SPATA13: variants seen among roughly 807,000 people sequenced by gnomAD.
SPATA13 encodes the protein spermatogenesis associated 13, also known as spermatogenesis-associated protein 13.
Under a neutral mutation model 104.0 loss-of-function variants are expected in SPATA13, and 50 were observed. The observed-to-expected ratio is 0.48, with a 90% CI of 0.38 to 0.61. The LOEUF is 0.61. Ranked by LOEUF, SPATA13 falls within the 20% of genes least tolerant of loss-of-function variation. The pLI is 0.00. For missense variants in SPATA13, 1,524 were observed against 1,690.6 expected (o/e 0.90, Z 1.73); for synonymous variants, 606 against 667.5 (o/e 0.91, Z 1.42).
chr13:24,025,140 T>C (rs1358068296), intron 3 of SPATA13, among the ~76,000 whole-genome samples: 2 of 151,536 alleles, frequency 1.3e-5, no homozygotes, highest in African/African-American at 4.8e-5. Context: ...TTCTCTTTCC[T>C]TCTTTATTAT....
intron 1 of SPATA13, among the ~76,000 whole-genome samples, chr13:24,204,909 A>C (rs2093643): frequency 0.38 from 57,137 of 152,000 alleles, 11,432 homozygotes; most frequent in East Asian, 0.63. Context: ...TGCTGTGAAC[A>C]TCAGTGTATA....
At position 24,104,306 on chromosome 13, in the gene SPATA13, C is replaced by T. The variant is rs142915252; in HGVS notation, c.-112+86605C>T. Among the ~76,000 whole-genome samples the T allele has an allele frequency of 2.3e-4, 35 of 151,094 alleles. No homozygotes were observed. In the East Asian group the frequency reaches 5.7e-3, roughly 24 times the overall value. ...TGGTGTTTTGACAAAAAGGATTTTA[C>T]TTCATCTTAATTTAAAGGGATCCTG... On this transcript the variant is annotated intron_variant, in intron 3 of 14. Transcript: ENST00000424834.
At chr13:24,173,114 G>T (rs552065550) in intron 1 of SPATA13, among the ~76,000 whole-genome samples, 1 of 152,126 alleles carries the variant, frequency 6.6e-6, no homozygotes, top group South Asian at 2.1e-4. Context: ...GTCTTGCTCC[G>T]TCATCCAGGC....
chr13:24,021,865 C>T (rs1274084069), intron 3 of SPATA13, among the ~76,000 whole-genome samples: 1 of 151,864 alleles, frequency 6.6e-6, no homozygotes, highest in Non-Finnish European at 1.5e-5. Context: ...GCGCCCGCCA[C>T]CACGCCTGAC....
intron 3 of SPATA13, among the ~76,000 whole-genome samples, chr13:24,082,082 A>G (rs977693841): frequency 6.6e-6 from 1 of 152,240 alleles, no homozygotes; most frequent in Non-Finnish European, 1.5e-5. Flanking sequence ...ACCTGGAATC[A>G]TAGCAAGGAT....
At chr13:24,001,944 G>A (rs1875994224) in intron 2 of SPATA13, among the ~76,000 whole-genome samples, 1 of 151,936 alleles carries the variant, frequency 6.6e-6, no homozygotes, top group African/African-American at 2.4e-5. Flanking sequence ...GGGAGGTGAG[G>A]AGGAGACTGC....
chr13:24,246,590 T>A (rs903904809), intron 2 of SPATA13, among the ~76,000 whole-genome samples: 10 of 152,198 alleles, frequency 6.6e-5, no homozygotes, highest in Non-Finnish European at 5.9e-5. Flanking sequence ...CCGGGTGTGG[T>A]GGCTCACGCC....
Position 24,001,767 on chromosome 13 carries a change from A to G in SPATA13, c.-146-15900A>G, listed in dbSNP as rs75806787. Among the ~76,000 whole-genome samples the G allele has an allele frequency of 6.3e-3, 957 of 152,014 alleles. 8 individuals are homozygous for G. Among genetic ancestry groups the G allele is most frequent in the African/African-American group, 0.022 (893 of 41,464 alleles). On this transcript the variant is annotated intron_variant, in intron 2 of 14. Coordinates refer to the SPATA13 transcript ENST00000424834. Reference sequence around the variant, plus strand: ...GAACCTGATGGGTTGAAGAAGTAAAAAGAGTCAGCACTGGGTGGGGGCCGG... The same window carrying G: ...GAACCTGATGGGTTGAAGAAGTAAAGAGAGTCAGCACTGGGTGGGGGCCGG...
chr13:24,017,612 C>G (rs1876778070), intron 2 of SPATA13: 1 of 950,996 alleles, frequency 1.1e-6, no homozygotes, highest in Admixed American at 6.2e-5. Context: ...TTAACCTCAG[C>G]TAACCTGTTT....
intron 2 of SPATA13, among the ~76,000 whole-genome samples, chr13:24,237,882 T>TG (rs1566166830): frequency 1.4e-5 from 2 of 147,238 alleles, no homozygotes; most frequent in African/African-American, 5.0e-5. Flanking sequence ...ATATATATCA[T>TG]TTATAATATA....
At chr13:24,235,212 G>C (rs894743373) in intron 2 of SPATA13, among the ~76,000 whole-genome samples, 4 of 152,206 alleles carry the variant, frequency 2.6e-5, no homozygotes, top group African/African-American at 9.7e-5. Flanking sequence ...CAAAGCTACA[G>C]ATTCCTGAAC....
intron 3 of SPATA13, among the ~76,000 whole-genome samples, chr13:24,068,335 G>A (rs1879039092): frequency 6.6e-6 from 1 of 152,098 alleles, no homozygotes; most frequent in African/African-American, 2.4e-5. Context: ...CTTTTTTGTG[G>A]TTGCATAGTA....
intron 9 of SPATA13, among the ~76,000 whole-genome samples, chr13:24,291,757 T>TA (rs1491558040): frequency 1.8e-4 from 14 of 79,998 alleles, no homozygotes; most frequent in Admixed American, 4.0e-4. Context: ...TATTTTTTTA[T>TA]TTTTTTTTTT....
chr13:24,025,253 CTTTT>C (rs1157140035), intron 3 of SPATA13, among the ~76,000 whole-genome samples: 1 of 151,740 alleles, frequency 6.6e-6, no homozygotes, highest in Non-Finnish European at 1.5e-5. Context: ...CTTCTAAATG[CTTTT>C]TTAAGTTAAC....
intron 3 of SPATA13, among the ~76,000 whole-genome samples, chr13:24,041,936 A>G (rs536565709): frequency 7.9e-5 from 12 of 152,374 alleles, no homozygotes; most frequent in African/African-American, 2.9e-4. Flanking sequence ...TCTGACACAC[A>G]GTCCTCGCCT....
At position 24,189,469 on chromosome 13, in the gene SPATA13, A is replaced by ATCTC. The variant is rs201091898; in HGVS notation, c.-112+28549_-112+28552dup. 1.8e-4 allele frequency among the ~76,000 whole-genome samples: 16 copies of ATCTC among 90,154 alleles called. 1 individual carries two copies. In the South Asian group the frequency reaches 3.6e-3, roughly 20 times the overall value. The allele number at this position is 90,154 out of a possible 152,430, so 59.1% of individuals were successfully genotyped here. On this transcript the variant is annotated intron_variant, in intron 1 of 12. Coordinates refer to ENST00000382108, the MANE Select transcript of SPATA13 (RefSeq NM_001166271.3). Reference sequence around the variant, plus strand: ...AGCCTGGGTGACAGAGCGAGACTCCATCTCTCTCTCTCTCTATATATATAC... The same window carrying ATCTC: ...AGCCTGGGTGACAGAGCGAGACTCCATCTCTCTCTCTCTCTCTCTATATATATAC...
chr13:24,273,764 A>T (rs1313558254), intron 4 of SPATA13, among the ~76,000 whole-genome samples: 29 of 152,266 alleles, frequency 1.9e-4, no homozygotes, highest in Admixed American at 1.9e-3. Flanking sequence ...GTTATGGCAG[A>T]GGATCAGGGA....
At chr13:24,182,144 A>G (rs755535767) in intron 1 of SPATA13, among the ~76,000 whole-genome samples, 1 of 152,184 alleles carries the variant, frequency 6.6e-6, no homozygotes, top group Non-Finnish European at 1.5e-5. Context: ...GCATGGGGAA[A>G]GAGGCCTGGC....
At chr13:24,115,765 C>T (rs1593339514) in intron 3 of SPATA13, among the ~76,000 whole-genome samples, 1 of 152,176 alleles carries the variant, frequency 6.6e-6, no homozygotes, top group Non-Finnish European at 1.5e-5. Flanking sequence ...AAGGTATCAG[C>T]GGAGGCCGTA....
Sources: allele counts gnomAD v4.1 joint callset (sites outside exome capture counted in the v4.1 genomes callset), GRCh38; gene constraint gnomAD v4.1.1; transcripts MANE v1.5; gene names NCBI Gene and HGNC (gene_info 2026-07-23, HGNC 2026-07-21).